The following SLC22A15 variants were observed in gnomAD, a reference collection of about 807,000 sequenced individuals.
SLC22A15 encodes solute carrier family 22 member 15.
In SLC22A15, 45 loss-of-function variants were observed where a neutral mutation model predicts 62.7. That is an observed-to-expected ratio of 0.72 (90% CI 0.56 to 0.92). The LOEUF (loss-of-function observed/expected upper bound fraction) is 0.92, where lower values mean the gene tolerates loss of function less well. SLC22A15 is among the 40% of genes least tolerant of loss of function. The probability of loss-of-function intolerance (pLI) is 0.00; values close to 1 mark genes in which losing one functional copy is unlikely to be tolerated. For synonymous variants in SLC22A15, 264 were observed against 267.0 expected (o/e 0.99, Z 0.11); for missense variants, 622 against 665.6 (o/e 0.93, Z 0.72).
rs1314605079 is a variant in SLC22A15, at chr1:116,067,241, T to C, written c.*133T>C. ...GAATGTACATAGATGGTACCTGGCA[T>C]GGACTGATGTTTTTAGGCACAGAAG... is the stretch of plus-strand genomic sequence containing the variant. On this transcript the variant is annotated 3_prime_UTR_variant, in exon 12 of 12. Coordinates refer to ENST00000369503, the MANE Select transcript of SLC22A15 (RefSeq NM_018420.3). The C allele has an allele frequency of 3.1e-6, 2 of 651,208 alleles. No individual in the cohort carries two copies. The highest frequency in any genetic ancestry group is 2.7e-6 in the Non-Finnish European group (1 of 374,688). 40.3% of individuals were successfully genotyped at this position (651,208 alleles called of 1,614,324 possible).
chr1:116,066,055 G>A (rs771982081), intron 10 of SLC22A15, among the ~76,000 whole-genome samples: 11 of 152,198 alleles, frequency 7.2e-5, no homozygotes, highest in African/African-American at 9.6e-5. Flanking sequence ...TCTCAGTTAC[G>A]GTCTTAAGGT....
At chr1:116,045,856 T>C (rs1195017424) in intron 8 of SLC22A15, among the ~76,000 whole-genome samples, 1 of 151,198 alleles carries the variant, frequency 6.6e-6, no homozygotes. Flanking sequence ...TAGAACCACA[T>C]ATATGGTCAA....
chr1:116,008,996 A>G (rs1320380102), intron 2 of SLC22A15, among the ~76,000 whole-genome samples: 2 of 152,218 alleles, frequency 1.3e-5, no homozygotes, highest in Non-Finnish European at 2.9e-5. Flanking sequence ...TGATTACATT[A>G]AGCTTTATTG....
At position 116,031,608 on chromosome 1, in the gene SLC22A15, G is replaced by A. The variant is rs776469985; in HGVS notation, c.944+27G>A. 6 of 1,609,960 alleles carry A rather than the reference G, an allele frequency of 3.7e-6. 1 individual carries two copies. In the South Asian group the frequency reaches 5.5e-5, roughly 15 times the overall value. ...TAATTATACTAAGGCGTGTTCTGTT[G>A]CTCTTTAACTAAGGTTGCTCGAGCT... On this transcript the variant is annotated intron_variant, in intron 6 of 11. Coordinates refer to ENST00000369503, the MANE Select transcript of SLC22A15 (RefSeq NM_018420.3).
chr1:116,059,690 G>C lies in SLC22A15; in HGVS notation c.1172-3072G>C, dbSNP rs1023147513. ...ATTTATGTATCATAGCAGAGGACCT[G>C]TACCTGTCTTAAAGATTTTTAACAT... is the stretch of plus-strand genomic sequence containing the variant. On this transcript the variant is annotated intron_variant, in intron 8 of 11. Transcript: ENST00000369503. Among the ~76,000 whole-genome samples, 11 of 152,140 alleles carry C rather than the reference G, an allele frequency of 7.2e-5. 1 individual carries two copies. Among genetic ancestry groups the C allele is most frequent in the Admixed American group, 7.2e-4 (11 of 15,272 alleles).
intron 4 of SLC22A15, among the ~76,000 whole-genome samples, chr1:116,021,977 T>C (rs1429294918): frequency 1.3e-5 from 2 of 152,094 alleles, no homozygotes; most frequent in Admixed American, 6.5e-5. Flanking sequence ...TTCTAACTGG[T>C]GTTGTTTTTG....
At chr1:116,065,674 C>G (rs12082202) in intron 10 of SLC22A15, among the ~76,000 whole-genome samples, 1 of 152,030 alleles carries the variant, frequency 6.6e-6, no homozygotes, top group Non-Finnish European at 1.5e-5. Flanking sequence ...TTTCCACCTC[C>G]TTCTCCATCA....
At chr1:115,995,647 T>G (rs1655385187) in intron 2 of SLC22A15, among the ~76,000 whole-genome samples, 1 of 152,220 alleles carries the variant, frequency 6.6e-6, no homozygotes, top group African/African-American at 2.4e-5. Flanking sequence ...CTTGTCTGTC[T>G]GTCTGTCTCT....
At chr1:115,991,151 T>C (rs1655124011) in intron 1 of SLC22A15, among the ~76,000 whole-genome samples, 2 of 152,324 alleles carry the variant, frequency 1.3e-5, no homozygotes, top group South Asian at 2.1e-4. Context: ...AATGTTAAAC[T>C]TGAAATAATC....
chr1:116,043,860 G>A (rs1311616613), intron 8 of SLC22A15, among the ~76,000 whole-genome samples: 1 of 152,076 alleles, frequency 6.6e-6, no homozygotes, highest in Non-Finnish European at 1.5e-5. Flanking sequence ...GGTAAAATGG[G>A]CAAATTTCTT....
rs1028253576 is a variant in SLC22A15 at position 116,026,997 on chromosome 1, G to T, written c.703G>T (p.Gly235Ter). The T allele has an allele frequency of 6.2e-7, 1 of 1,613,688 alleles. No homozygotes were observed. The highest frequency in any genetic ancestry group is 8.5e-7 in the Non-Finnish European group (1 of 1,179,798). Residue 235 changes from glycine (G) to a stop codon, truncating the protein, a stop_gained, in exon 5 of 12, where the codon GGA becomes TGA. Coordinates refer to ENST00000369503, the MANE Select transcript of SLC22A15 (RefSeq NM_018420.3). LOFTEE classifies it high-confidence loss of function. ...CCTAGCCATTCTGGTTAACCTGCAG[G>T]GAACGGTGGTCTTTCTCTTATCTTT... ...RTLAILVNLQGTVVFLLSLFI... is the reference protein window; with the variant it reads ...RTLAILVNLQ
At chr1:116,027,891 C>T (rs1323299899) in intron 5 of SLC22A15, among the ~76,000 whole-genome samples, 2 of 152,218 alleles carry the variant, frequency 1.3e-5, no homozygotes, top group Non-Finnish European at 2.9e-5. Context: ...TCCCAAAGTG[C>T]TGGGATTACA....
chr1:116,020,112 A>G (rs1216809590), intron 3 of SLC22A15, among the ~76,000 whole-genome samples: 1 of 152,192 alleles, frequency 6.6e-6, no homozygotes, highest in Non-Finnish European at 1.5e-5. Flanking sequence ...GCTCTTGACA[A>G]GCTGAGTATG....
At chr1:116,034,344 C>T (rs1274210865) in intron 6 of SLC22A15, among the ~76,000 whole-genome samples, 1 of 152,086 alleles carries the variant, frequency 6.6e-6, no homozygotes, top group Non-Finnish European at 1.5e-5. Flanking sequence ...CCTACTACCA[C>T]CATTACTGTG....
At position 115,976,684 on chromosome 1, in the gene SLC22A15, C is replaced by T. The variant is rs1306413532; in HGVS notation, c.57C>T (p.Tyr19=). Residue 19 remains tyrosine (Y), a synonymous_variant, in exon 1 of 12, where the codon TAC becomes TAT. Coordinates refer to ENST00000369503, the MANE Select transcript of SLC22A15 (RefSeq NM_018420.3). ...GGGAGATGGGCATCTACCAGATGTACTTGTGCTTCCTGCTGGCCGTGCTGC... is the reference window on the plus strand; with the variant it reads ...GGGAGATGGGCATCTACCAGATGTATTTGTGCTTCCTGCTGGCCGTGCTGC... The part of the protein sequence containing the change: ...AVGEMGIYQM[Y]LCFLLAVLLQ... 3 of 1,587,014 alleles carry T rather than the reference C, an allele frequency of 1.9e-6. No individual in the cohort carries two copies. The highest frequency in any genetic ancestry group is 2.2e-5 in the South Asian group (2 of 88,898).
chr1:116,012,591 AC>A (rs1656326947), intron 2 of SLC22A15, among the ~76,000 whole-genome samples: 1 of 152,256 alleles, frequency 6.6e-6, no homozygotes, highest in African/African-American at 2.4e-5. Context: ...TGTAAATGAT[AC>A]AAGTCAATTA....
intron 8 of SLC22A15, among the ~76,000 whole-genome samples, chr1:116,047,573 C>G (rs1657958452): frequency 6.6e-6 from 1 of 152,120 alleles, no homozygotes. Flanking sequence ...AGAGACAACC[C>G]CCAGTTCCAG....
Position 116,051,576 on chromosome 1 carries a change from G to A in SLC22A15, c.1172-11186G>A, listed in dbSNP as rs535891231. 2.0e-5 allele frequency among the ~76,000 whole-genome samples: 3 copies of A among 152,246 alleles called. No homozygotes were observed. The South Asian group carries it at 6.2e-4, about 32-fold the overall frequency. On this transcript the variant is annotated intron_variant, in intron 8 of 11. Coordinates refer to ENST00000369503, the MANE Select transcript of SLC22A15 (RefSeq NM_018420.3). ...CAAAAATCAGCTCAAGATGGATTAA[G>A]GACTTAAATCTAAGACCGGAAACTA...
chr1:115,996,551 A>G (rs559080016), intron 2 of SLC22A15, among the ~76,000 whole-genome samples: 76 of 148,916 alleles, frequency 5.1e-4, no homozygotes, highest in African/African-American at 1.7e-3. Context: ...TTTTAGATTC[A>G]TTCATTAGAT....
Sources: gnomAD v4.1 joint callset for allele counts (sites outside exome capture counted in the v4.1 genomes callset) on GRCh38, gnomAD v4.1.1 for gene constraint, MANE v1.5 for transcripts, NCBI Gene and HGNC (gene_info 2026-07-23, HGNC 2026-07-21) for gene names.